Variants in RANBP2 observed in about 807,000 individuals in gnomAD.
The protein encoded by RANBP2 is E3 SUMO-protein ligase RanBP2.
Under a neutral mutation model 303.6 loss-of-function variants are expected in RANBP2, and 57 were observed. The observed-to-expected ratio is 0.19, with a 90% CI of 0.15 to 0.23. RANBP2 has a LOEUF of 0.23. RANBP2 is among the 10% of genes least tolerant of loss of function. The pLI is 1.00. For missense variants in RANBP2, 3,138 were observed against 3,780.8 expected, an observed-to-expected ratio of 0.83 and a Z score of 4.46; for synonymous variants, 1,167 against 1,301.5, an observed-to-expected ratio of 0.90 and a Z score of 2.23.
chr2:109,212,068 C>T, the RANBP2 span, among the ~76,000 whole-genome samples: 9 of 152,294 alleles, frequency 5.9e-5, no homozygotes, highest in African/African-American at 1.4e-4. Flanking sequence ...AGGGAGATAG[C>T]GAAACTTGGA....
At chr2:109,335,000 G>A in the RANBP2 span, among the ~76,000 whole-genome samples, 51 of 152,334 alleles carry the variant, frequency 3.3e-4, no homozygotes, top group African/African-American at 1.2e-3. Context: ...CTGAGAACGC[G>A]ATTTATGTCA....
the RANBP2 span, among the ~76,000 whole-genome samples, chr2:109,117,043 T>A: frequency 3.9e-5 from 6 of 152,154 alleles, no homozygotes; most frequent in Non-Finnish European, 7.4e-5. Context: ...CTGCCCCTAC[T>A]GGGGGGTCCC....
At chr2:109,069,203 A>G in the RANBP2 span, among the ~76,000 whole-genome samples, 2 of 152,356 alleles carry the variant, frequency 1.3e-5, no homozygotes, top group Middle Eastern at 3.4e-3. Context: ...AGAAAAACCC[A>G]ATAAAATAGA....
At chr2:109,037,198 C>T in the RANBP2 span, among the ~76,000 whole-genome samples, 3 of 151,628 alleles carry the variant, frequency 2.0e-5, no homozygotes, top group African/African-American at 7.3e-5. Context: ...GGGTGGTGTG[C>T]CTGTGGTCCC....
intron 20 of RANBP2, 62 bp downstream of exon 20, chr2:108,768,450 C>T: frequency 4.4e-6 from 7 of 1,604,578 alleles, no homozygotes; most frequent in Non-Finnish European, 5.9e-6. Context: ...TAGCTTGATG[C>T]AGACTCTTTG....
the RANBP2 span, among the ~76,000 whole-genome samples, chr2:109,207,585 G>A: frequency 1.3e-5 from 2 of 152,310 alleles, no homozygotes; most frequent in South Asian, 2.1e-4. Context: ...TTAAGATATT[G>A]AAATTGTGGA....
chr2:108,923,357 A>G, the RANBP2 span: 1 of 1,613,612 alleles, frequency 6.2e-7, no homozygotes, highest in Non-Finnish European at 8.5e-7. Context: ...TGGAAGGACA[A>G]AGACACTCAC....
In RANBP2 at chr2:108,777,225, TC is replaced by T; in HGVS notation, c.8594del (p.Ser2865LeufsTer40). ...TAATTCTGGAGATTTTGCTTTTGGT[TC>T]TAAAGGTAAGATCAAGAGGAGAGAC... ...SSNSGDFAFGSKDKNFQWANT... is the reference protein window; with the variant it reads ...SSNSGDFAFGXKDKNFQWANT... On this transcript the variant is annotated frameshift_variant, in exon 25 of 29. Coordinates refer to ENST00000283195, the MANE Select transcript of RANBP2 (RefSeq NM_006267.5). LOFTEE classifies it high-confidence loss of function. 6.2e-7 allele frequency: 1 copy of T among 1,613,166 alleles called. No individual in the cohort carries two copies.
At chr2:109,655,049 C>T in the RANBP2 span, among the ~76,000 whole-genome samples, 1 of 151,866 alleles carries the variant, frequency 6.6e-6, no homozygotes, top group East Asian at 1.9e-4. Context: ...ATTACAGGTG[C>T]CCACCACCAT....
At chr2:109,032,194 G>C in the RANBP2 span, among the ~76,000 whole-genome samples, 1 of 152,050 alleles carries the variant, frequency 6.6e-6, no homozygotes, top group Non-Finnish European at 1.5e-5. Context: ...GATCTTTGGA[G>C]ATTTCTTTCA....
the RANBP2 span, among the ~76,000 whole-genome samples, chr2:109,510,035 A>T: frequency 6.6e-6 from 1 of 152,066 alleles, no homozygotes; most frequent in Non-Finnish European, 1.5e-5. Flanking sequence ...TCTTATCTGG[A>T]CCTCCACACT....
chr2:109,418,209 C>T, the RANBP2 span, among the ~76,000 whole-genome samples: 3 of 152,108 alleles, frequency 2.0e-5, no homozygotes, highest in East Asian at 3.9e-4. Flanking sequence ...CAGGCCTACA[C>T]GGGATCCTAG....
the RANBP2 span, among the ~76,000 whole-genome samples, chr2:108,967,180 C>T: frequency 7.3e-3 from 1,111 of 152,296 alleles, 8 homozygotes; most frequent in South Asian, 0.029. Context: ...ACTGATCCAC[C>T]TGCCTTGGCC....
At chr2:109,170,280 T>TCC in the RANBP2 span, among the ~76,000 whole-genome samples, 1 of 130,808 alleles carries the variant, frequency 7.6e-6, no homozygotes, top group Non-Finnish European at 1.7e-5. Flanking sequence ...TTCTCTTCTC[T>TCC]TCTCTTCTCT....
At chr2:108,834,048 T>C in the RANBP2 span, among the ~76,000 whole-genome samples, 108,002 of 150,594 alleles carry the variant, frequency 0.72, 41,649 homozygotes, top group East Asian at 0.9. Context: ...GCCCAGCCAA[T>C]GTGGAGTAAA....
At chr2:109,206,049 A>T in the RANBP2 span, among the ~76,000 whole-genome samples, 1 of 152,156 alleles carries the variant, frequency 6.6e-6, no homozygotes, top group South Asian at 2.1e-4. Context: ...GTACCCTGAG[A>T]TGCCTTTCCA....
At chr2:109,276,992 G>A in the RANBP2 span, among the ~76,000 whole-genome samples, 629 of 152,234 alleles carry the variant, frequency 4.1e-3, 2 homozygotes, top group African/African-American at 0.014. Context: ...GGAGCAGTGG[G>A]CAAATGGACA....
At chr2:109,480,202 T>C in the RANBP2 span, among the ~76,000 whole-genome samples, 1 of 152,222 alleles carries the variant, frequency 6.6e-6, no homozygotes, top group Non-Finnish European at 1.5e-5. Context: ...AACATCTGCA[T>C]GGCACCAAAC....
chr2:109,629,946 C>T, the RANBP2 span, among the ~76,000 whole-genome samples: 8,663 of 152,226 alleles, frequency 0.057, 691 homozygotes, highest in East Asian at 0.24. Context: ...ATGGAGAACA[C>T]AGTGAGCTAG....
Sources: allele counts gnomAD v4.1 joint callset (sites outside exome capture counted in the v4.1 genomes callset), GRCh38; gene constraint gnomAD v4.1.1; transcripts MANE v1.5; gene names NCBI Gene and HGNC (gene_info 2026-07-23, HGNC 2026-07-21).